DYRK1A: variants seen among roughly 807,000 people sequenced by gnomAD.
The protein encoded by DYRK1A is dual specificity tyrosine phosphorylation regulated kinase 1A.
DYRK1A carries 9 observed loss-of-function variants against 79.7 expected under a neutral mutation model. The ratio of observed to expected loss-of-function variants is 0.11; its 90% CI spans 0.07 to 0.20. The LOEUF is 0.20. DYRK1A is among the 10% of genes least tolerant of loss of function. DYRK1A has a pLI of 1.00. For missense variants in DYRK1A, 622 were observed against 956.0 expected (o/e 0.65, Z 4.61); for synonymous variants, 349 against 329.7 (o/e 1.06, Z -0.63).
chr21:37,433,022 ACT>A (rs1446172420), intron 2 of DYRK1A, among the ~76,000 whole-genome samples: 2 of 141,370 alleles, frequency 1.4e-5, no homozygotes, highest in African/African-American at 2.7e-5. Context: ...TAGAAAACTT[ACT>A]TTCTTTACTA....
intron 2 of DYRK1A, among the ~76,000 whole-genome samples, chr21:37,467,121 A>C (rs1348267425): frequency 3.9e-5 from 5 of 128,986 alleles, no homozygotes; most frequent in East Asian, 4.1e-4. Flanking sequence ...AAAAAAAAAA[A>C]CAAAACAAAA....
At chr21:37,501,141 T>C (rs1013434708) in intron 9 of DYRK1A, among the ~76,000 whole-genome samples, 3 of 150,906 alleles carry the variant, frequency 2.0e-5, no homozygotes, top group Non-Finnish European at 4.4e-5. Flanking sequence ...CTGCAGCTTT[T>C]TATATGTTTT....
chr21:37,419,323 TAGGAATTGG>T (rs2050418364), intron 1 of DYRK1A: 1 of 152,174 alleles, frequency 6.6e-6, no homozygotes, highest in Admixed American at 6.5e-5. Flanking sequence ...ATGTGAAATT[TAGGAATTGG>T]AGGCATTGGG....
intron 1 of DYRK1A, among the ~76,000 whole-genome samples, chr21:37,390,983 T>A (rs992145402): frequency 7.2e-5 from 11 of 152,350 alleles, no homozygotes; most frequent in African/African-American, 2.6e-4. Context: ...TTACCCTCAG[T>A]GTGCGCCTGG....
rs758497891 is a variant in DYRK1A at position 37,516,332 on chromosome 21, C to T, written c.*3801C>T. 6.6e-6 allele frequency: 1 copy of T among 152,172 alleles called. No individual in the cohort carries two copies. Among genetic ancestry groups the T allele is most frequent in the Non-Finnish European group, 1.5e-5 (1 of 68,026 alleles). 9.4% of individuals were successfully genotyped at this position (152,172 alleles called of 1,614,324 possible). A position where few individuals can be genotyped will look rare whatever the true frequency, so the allele number is the denominator to read the frequency against. On this transcript the variant is annotated 3_prime_UTR_variant, in exon 12 of 12. Transcript: ENST00000647188. Reference sequence around the variant, plus strand: ...TTCATTCAGATTTCTTAAAAATCTGCTAGGGATGTCTGTTGACCAGACGTT... The same window carrying T: ...TTCATTCAGATTTCTTAAAAATCTGTTAGGGATGTCTGTTGACCAGACGTT...
chr21:37,454,501 T>C (rs948208921), intron 2 of DYRK1A, among the ~76,000 whole-genome samples: 105 of 152,264 alleles, frequency 6.9e-4, no homozygotes, highest in African/African-American at 2.2e-3. Flanking sequence ...ATGGAATGAG[T>C]CTAAAAAGTG....
intron 2 of DYRK1A, among the ~76,000 whole-genome samples, chr21:37,452,973 G>A (rs2051508089): frequency 6.6e-6 from 1 of 152,120 alleles, no homozygotes; most frequent in Non-Finnish European, 1.5e-5. Flanking sequence ...GGCCTGGAGT[G>A]GTGGCTTACG....
rs534793675 is a variant in DYRK1A at position 37,480,529 on chromosome 21, T to A, written c.301-109T>A. 6.1e-6 allele frequency: 5 copies of A among 817,164 alleles called. No individual in the cohort carries two copies. In the East Asian group the frequency reaches 1.4e-4, roughly 23 times the overall value. The allele number at this position is 817,164 out of a possible 1,614,324, so 50.6% of individuals were successfully genotyped here. On this transcript the variant is annotated intron_variant, in intron 4 of 11. Transcript: ENST00000647188. ...CATTGGTTAGATCAGTATTATTTTC[T>A]AACTCAAATGTCAACTGTAGAAAAT...
chr21:37,495,152 T>TTTTG (rs368928655), intron 8 of DYRK1A, among the ~76,000 whole-genome samples: 6 of 137,648 alleles, frequency 4.4e-5, no homozygotes, highest in African/African-American at 1.4e-4. Flanking sequence ...CTCTGGGATT[T>TTTTG]TGTGTGTGTG....
chr21:37,423,909 T>G (rs192002463), intron 2 of DYRK1A, among the ~76,000 whole-genome samples: 7 of 152,316 alleles, frequency 4.6e-5, no homozygotes, highest in African/African-American at 1.7e-4. Context: ...TAAAACCGTT[T>G]GTGGCAGAGT....
chr21:37,401,703 G>A (rs930668214), intron 1 of DYRK1A, among the ~76,000 whole-genome samples: 2 of 151,948 alleles, frequency 1.3e-5, no homozygotes, highest in Non-Finnish European at 2.9e-5. Flanking sequence ...GGCTGGTCTC[G>A]AACTCCTGAC....
chr21:37,471,814 A>T (rs1363070855), intron 2 of DYRK1A, among the ~76,000 whole-genome samples: 2 of 152,220 alleles, frequency 1.3e-5, no homozygotes, highest in Admixed American at 1.3e-4. Context: ...TGGTTCATTC[A>T]GGAGGACAGG....
chr21:37,406,210 A>G (rs1280847814), intron 1 of DYRK1A, among the ~76,000 whole-genome samples: 1 of 152,190 alleles, frequency 6.6e-6, no homozygotes, highest in African/African-American at 2.4e-5. Flanking sequence ...TTTAAAGCAG[A>G]AGTATTTTCT....
At chr21:37,384,129 C>G (rs1297784562) in intron 1 of DYRK1A, among the ~76,000 whole-genome samples, 3 of 152,068 alleles carry the variant, frequency 2.0e-5, no homozygotes, top group Non-Finnish European at 4.4e-5. Flanking sequence ...CCAGATAAAG[C>G]CACGTGGCCC....
At chr21:37,426,743 T>C (rs1192691996) in intron 2 of DYRK1A, among the ~76,000 whole-genome samples, 10 of 130,432 alleles carry the variant, frequency 7.7e-5, no homozygotes, top group Admixed American at 7.6e-4. Context: ...ACCCCGTCTC[T>C]ACTAAAAATA....
At chr21:37,482,541 C>T (rs889066779) in intron 5 of DYRK1A, among the ~76,000 whole-genome samples, 4 of 152,032 alleles carry the variant, frequency 2.6e-5, no homozygotes, top group East Asian at 1.9e-4. Context: ...GGAGGCAGGG[C>T]GAGATCGCAG....
rs2053898057 is a variant in DYRK1A at position 37,517,985 on chromosome 21, C to T, written c.*5454C>T. On this transcript the variant is annotated 3_prime_UTR_variant, in exon 12 of 12. Transcript: ENST00000647188. ...TGCAGCTCACTGCAGCCTTAAACAA[C>T]TGGGCTAGGTGATCCTCCCATCTCA... 6.6e-6 allele frequency: 1 copy of T among 152,166 alleles called. No individual in the cohort carries two copies. Among genetic ancestry groups the T allele is most frequent in the Non-Finnish European group, 1.5e-5 (1 of 68,056 alleles). 9.4% of individuals were successfully genotyped at this position (152,166 alleles called of 1,614,324 possible). A position where few individuals can be genotyped will look rare whatever the true frequency, so the allele number is the denominator to read the frequency against.
At chr21:37,477,263 A>C (rs912418570) in intron 3 of DYRK1A, among the ~76,000 whole-genome samples, 3 of 152,210 alleles carry the variant, frequency 2.0e-5, no homozygotes, top group African/African-American at 7.2e-5. Context: ...ACAAATGTCC[A>C]GAAGAGTTGG....
intron 2 of DYRK1A, among the ~76,000 whole-genome samples, chr21:37,466,848 C>G (rs888002773): frequency 1.3e-5 from 2 of 151,456 alleles, no homozygotes; most frequent in African/African-American, 4.9e-5. Flanking sequence ...TAAAATTAAA[C>G]CTTTGATGAG....
Sources: allele counts gnomAD v4.1 joint callset (sites outside exome capture counted in the v4.1 genomes callset), GRCh38; gene constraint gnomAD v4.1.1; transcripts MANE v1.5; gene names NCBI Gene and HGNC (gene_info 2026-07-23, HGNC 2026-07-21).